HCN1: variants seen among roughly 807,000 people sequenced by gnomAD.
HCN1 encodes the protein potassium/sodium hyperpolarization-activated cyclic nucleotide-gated channel 1.
Under a neutral mutation model 78.9 loss-of-function variants are expected in HCN1, and 13 were observed. The ratio of observed to expected loss-of-function variants is 0.16; its 90% CI spans 0.11 to 0.26. HCN1 has a LOEUF of 0.26. HCN1 is among the 10% of genes least tolerant of loss of function. The probability of loss-of-function intolerance (pLI) is 1.00; values close to 1 mark genes in which losing one functional copy is unlikely to be tolerated. For missense variants in HCN1, 810 were observed against 1,154.3 expected (o/e 0.70, Z 4.32); for synonymous variants, 552 against 455.5 (o/e 1.21, Z -2.70).
chr5:45,517,520 TAAAAAAAAAAAAA>T (rs773490588), intron 2 of HCN1, among the ~76,000 whole-genome samples: 2 of 94,370 alleles, frequency 2.1e-5, no homozygotes, highest in African/African-American at 4.2e-5. Context: ...AATTTCCCCT[TAAAAAAAAAAAAA>T]AAAAAAAAAA....
Position 45,262,156 on chromosome 5 carries a change from G to A in HCN1, c.2438C>T (p.Ala813Val), listed in dbSNP as rs777158203. 2 of 1,613,880 alleles carry A rather than the reference G, an allele frequency of 1.2e-6. No homozygotes were observed. Among genetic ancestry groups the A allele is most frequent in the Non-Finnish European group, 1.7e-6 (2 of 1,179,964 alleles). The change falls in exon 8 of 8, where the codon GCC (alanine) becomes GTC (valine). Residue 813 changes from alanine to valine, a missense_variant. Ala to Val is a moderately conservative substitution (Grantham distance 64, BLOSUM62 0). This residue lies in a region of HCN1 where 398 missense variants were observed against 381.3 expected (regional missense o/e 1.04). Transcript: ENST00000303230. ...RPHPTVGESL[A>V]SIPQPVTAVP... Reference sequence around the variant, plus strand: ...CGCCGTCACGGGTTGAGGGATGGAGGCCAGGGACTCGCCCACAGTGGGATG... The same window carrying A: ...CGCCGTCACGGGTTGAGGGATGGAGACCAGGGACTCGCCCACAGTGGGATG...
intron 1 of HCN1, among the ~76,000 whole-genome samples, chr5:45,660,474 G>A (rs1460330930): frequency 1.4e-5 from 2 of 146,694 alleles, no homozygotes; most frequent in Admixed American, 6.9e-5. Context: ...AAATATAAAT[G>A]GACTAAATTC....
chr5:45,553,956 T>G (rs758660517), intron 2 of HCN1, among the ~76,000 whole-genome samples: 3 of 151,920 alleles, frequency 2.0e-5, no homozygotes, highest in Non-Finnish European at 4.4e-5. Flanking sequence ...CTATTAGTCA[T>G]ATTCTCCCAC....
chr5:45,269,949 C>A (rs2111851143), intron 6 of HCN1, among the ~76,000 whole-genome samples: 1 of 152,288 alleles, frequency 6.6e-6, no homozygotes, highest in Admixed American at 6.5e-5. Context: ...TCAGTAACCA[C>A]CAGCATACAT....
intron 1 of HCN1, among the ~76,000 whole-genome samples, chr5:45,686,647 T>G (rs1369715552): frequency 2.0e-5 from 3 of 152,226 alleles, no homozygotes; most frequent in Non-Finnish European, 4.4e-5. Flanking sequence ...TTAATAAAGT[T>G]CTTTTGTTTA....
At chr5:45,654,939 CTGA>C (rs1206661021) in intron 1 of HCN1, among the ~76,000 whole-genome samples, 17 of 152,096 alleles carry the variant, frequency 1.1e-4, no homozygotes, top group Admixed American at 1.1e-3. Flanking sequence ...TTTCCTCTTG[CTGA>C]TAATATAAGT....
chr5:45,320,691 G>A (rs1298273008), intron 5 of HCN1, among the ~76,000 whole-genome samples: 2 of 151,362 alleles, frequency 1.3e-5, no homozygotes, highest in Non-Finnish European at 2.9e-5. Flanking sequence ...AAATCTTGAA[G>A]GTTTAGATAT....
At chr5:45,575,308 A>T (rs1317399847) in intron 2 of HCN1, 2 of 152,136 alleles carry the variant, frequency 1.3e-5, no homozygotes, top group Non-Finnish European at 2.9e-5. Flanking sequence ...TAAGGTCCTT[A>T]TTCTCAGCAA....
chr5:45,499,549 C>T (rs1212822079), intron 2 of HCN1, among the ~76,000 whole-genome samples: 1 of 152,190 alleles, frequency 6.6e-6, no homozygotes. Flanking sequence ...CACCCGTCTT[C>T]TGCGTCGCTT....
intron 5 of HCN1, among the ~76,000 whole-genome samples, chr5:45,340,028 C>T (rs1579822570): frequency 6.6e-6 from 1 of 152,146 alleles, no homozygotes; most frequent in Non-Finnish European, 1.5e-5. Context: ...AAGTGATTCT[C>T]CTGCCTCAGG....
intron 6 of HCN1, among the ~76,000 whole-genome samples, chr5:45,271,918 A>G (rs1348755831): frequency 3.9e-5 from 6 of 152,142 alleles, no homozygotes; most frequent in Non-Finnish European, 7.4e-5. Context: ...CATGTCCTCA[A>G]TAATTTCTTA....
chr5:45,695,503 T>C (rs1739990472), intron 1 of HCN1, among the ~76,000 whole-genome samples, 166 bp downstream of exon 1: 1 of 152,104 alleles, frequency 6.6e-6, no homozygotes, highest in Non-Finnish European at 1.5e-5. Context: ...GGGTGGAAAC[T>C]ACCCGGAGGC....
chr5:45,280,366 T>C (rs2111866957), intron 6 of HCN1, among the ~76,000 whole-genome samples: 1 of 152,312 alleles, frequency 6.6e-6, no homozygotes, highest in South Asian at 2.1e-4. Context: ...ATCATCTGAA[T>C]GCTATTTGAC....
At chr5:45,695,605 G>A in intron 1 of HCN1, 64 bp downstream of exon 1, 1 of 1,536,288 alleles carries the variant, frequency 6.5e-7, no homozygotes, top group Non-Finnish European at 8.9e-7. Flanking sequence ...CCCACCCAAG[G>A]GCGGGGAAGC....
intron 6 of HCN1, among the ~76,000 whole-genome samples, chr5:45,281,986 A>C (rs974160785): frequency 7.2e-5 from 11 of 152,060 alleles, no homozygotes; most frequent in African/African-American, 2.4e-4. Context: ...CACACGTTTA[A>C]ATTTTATTGA....
At chr5:45,412,657 T>A (rs1376120464) in intron 3 of HCN1, among the ~76,000 whole-genome samples, 2 of 152,090 alleles carry the variant, frequency 1.3e-5, no homozygotes, top group African/African-American at 2.4e-5. Context: ...GTTATTTGAA[T>A]GCGTGTATGT....
At chr5:45,639,561 C>T (rs765358866) in intron 2 of HCN1, among the ~76,000 whole-genome samples, 5 of 152,006 alleles carry the variant, frequency 3.3e-5, no homozygotes, top group Non-Finnish European at 5.9e-5. Flanking sequence ...CCATTCCATA[C>T]CATCATAAAA....
At chr5:45,572,755 C>T (rs776490947) in intron 2 of HCN1, among the ~76,000 whole-genome samples, 8 of 152,152 alleles carry the variant, frequency 5.3e-5, no homozygotes, top group Non-Finnish European at 1.2e-4. Context: ...CACGTACTGG[C>T]ACCAATTTAG....
chr5:45,581,250 T>C (rs910134110), intron 2 of HCN1, among the ~76,000 whole-genome samples: 1 of 152,242 alleles, frequency 6.6e-6, no homozygotes, highest in African/African-American at 2.4e-5. Flanking sequence ...TGAGATGGTA[T>C]CTCATTGTGG....
Sources: gnomAD v4.1 joint callset for allele counts (sites outside exome capture counted in the v4.1 genomes callset) on GRCh38, gnomAD v4.1.1 for gene constraint, gnomAD v4.1.1 regional missense constraint, MANE v1.5 for transcripts, NCBI Gene and HGNC (gene_info 2026-07-23, HGNC 2026-07-21) for gene names.